The following SLC8A1 variants were observed in gnomAD, a reference collection of about 807,000 sequenced individuals.
SLC8A1 encodes the protein solute carrier family 8 member A1.
A neutral mutation model predicts 68.3 loss-of-function variants in SLC8A1; 18 were observed. The ratio of observed to expected loss-of-function variants is 0.26; its 90% CI spans 0.18 to 0.39. The LOEUF (loss-of-function observed/expected upper bound fraction) is 0.39, where lower values mean the gene tolerates loss of function less well. Among genes scored for constraint, SLC8A1 ranks in the 10% least tolerant of loss-of-function variants. The pLI is 1.00. For synonymous variants in SLC8A1, 475 were observed against 415.5 expected (o/e 1.14, Z -1.74); for missense variants, 985 against 1,156.7 (o/e 0.85, Z 2.15).
At chr2:40,346,919 C>G (rs967091180) in intron 2 of SLC8A1, among the ~76,000 whole-genome samples, 1 of 152,116 alleles carries the variant, frequency 6.6e-6, no homozygotes, top group African/African-American at 2.4e-5. Context: ...CCTGGGTAAT[C>G]AGCCCACACA....
chr2:40,347,768 CCAA>C (rs2149433593), intron 2 of SLC8A1, among the ~76,000 whole-genome samples: 1 of 152,204 alleles, frequency 6.6e-6, no homozygotes, highest in East Asian at 1.9e-4. Flanking sequence ...GTTTTAATGA[CCAA>C]CAAAAGAGAT....
At chr2:40,507,710 T>A (rs1384957249) in intron 1 of SLC8A1, among the ~76,000 whole-genome samples, 1 of 152,070 alleles carries the variant, frequency 6.6e-6, no homozygotes, top group Non-Finnish European at 1.5e-5. Context: ...TGTCAGTGTT[T>A]CCATCTGTAA....
At chr2:40,412,584 T>G (rs1559574676) in intron 2 of SLC8A1, among the ~76,000 whole-genome samples, 1 of 152,282 alleles carries the variant, frequency 6.6e-6, no homozygotes, top group Admixed American at 6.5e-5. Flanking sequence ...ATTGTTTCCT[T>G]GCTAGAACAT....
chr2:40,322,514 A>G (rs1011625210), intron 2 of SLC8A1, among the ~76,000 whole-genome samples: 3 of 150,800 alleles, frequency 2.0e-5, no homozygotes, highest in African/African-American at 7.3e-5. Context: ...AAAAAAAAAA[A>G]AAAAAAAAAA....
intron 1 of SLC8A1, among the ~76,000 whole-genome samples, chr2:40,477,495 T>A (rs1172999381): frequency 1.3e-5 from 2 of 152,184 alleles, no homozygotes; most frequent in African/African-American, 4.8e-5. Context: ...ATGTCTTAGA[T>A]ACGAACCCTC....
intron 1 of SLC8A1, among the ~76,000 whole-genome samples, chr2:40,510,994 A>G (rs1247828994): frequency 6.6e-6 from 1 of 152,188 alleles, no homozygotes; most frequent in African/African-American, 2.4e-5. Flanking sequence ...CTGTTAAATG[A>G]ATTGCTTTTC....
At chr2:40,194,666 C>G (rs1007311091) in intron 2 of SLC8A1, among the ~76,000 whole-genome samples, 1 of 152,040 alleles carries the variant, frequency 6.6e-6, no homozygotes, top group African/African-American at 2.4e-5. Context: ...AACACCAGTT[C>G]CTCGCCCTTC....
intron 2 of SLC8A1, among the ~76,000 whole-genome samples, chr2:40,319,898 G>A (rs1212197161): frequency 2.0e-5 from 3 of 152,002 alleles, no homozygotes; most frequent in South Asian, 4.1e-4. Context: ...TACCAATGTC[G>A]TTATTAAAAA....
intron 2 of SLC8A1, among the ~76,000 whole-genome samples, chr2:40,184,907 A>C (rs1413993837): frequency 2.6e-5 from 4 of 151,648 alleles, no homozygotes; most frequent in South Asian, 2.1e-4. Context: ...ACAAAAAAAA[A>C]AAAAAAAAAA....
intron 1 of SLC8A1, among the ~76,000 whole-genome samples, chr2:40,488,975 G>T (rs180706034): frequency 3.9e-5 from 6 of 152,218 alleles, no homozygotes; most frequent in Admixed American, 3.9e-4. Context: ...ATCTGTTTCA[G>T]AGTCCCACAA....
At position 40,288,712 on chromosome 2, in the gene SLC8A1, T is replaced by C. The variant is rs147777305; in HGVS notation, c.1809-110857A>G. On this transcript the variant is annotated intron_variant, in intron 2 of 7. Transcript: ENST00000406785. ...AAGTGCTACAAATCAGGACTTTTCCTTGGGGATGGATGTTTGGAGCTAGTT... is the reference window on the plus strand; with the variant it reads ...AAGTGCTACAAATCAGGACTTTTCCCTGGGGATGGATGTTTGGAGCTAGTT... Among the ~76,000 whole-genome samples, 555 of 152,144 alleles carry C rather than the reference T, an allele frequency of 3.6e-3. 2 individuals carry two copies. Among genetic ancestry groups the C allele is most frequent in the African/African-American group, 0.012 (516 of 41,466 alleles).
At chr2:40,379,084 T>C (rs72941908) in intron 2 of SLC8A1, among the ~76,000 whole-genome samples, 13,174 of 152,182 alleles carry the variant, frequency 0.087, 1,848 homozygotes, top group African/African-American at 0.3. Context: ...ATCTGGCTCA[T>C]AATAGATGCC....
At chr2:40,401,422 T>A (rs910196435) in intron 2 of SLC8A1, among the ~76,000 whole-genome samples, 1 of 146,490 alleles carries the variant, frequency 6.8e-6, no homozygotes, top group African/African-American at 2.8e-5. Flanking sequence ...TTTTCTTCTA[T>A]GCTATTTTTT....
chr2:40,214,482 T>C (rs1308484230), intron 2 of SLC8A1, among the ~76,000 whole-genome samples: 4 of 151,314 alleles, frequency 2.6e-5, no homozygotes, highest in Non-Finnish European at 5.9e-5. Flanking sequence ...TTACACTGTC[T>C]CCTGGGCTGG....
chr2:40,245,221 G>C (rs372731761), intron 2 of SLC8A1, among the ~76,000 whole-genome samples: 32 of 152,188 alleles, frequency 2.1e-4, no homozygotes, highest in African/African-American at 7.7e-4. Context: ...TCTGTGATTT[G>C]TGCTGTTCAT....
At chr2:40,333,742 A>T (rs1452123294) in intron 2 of SLC8A1, among the ~76,000 whole-genome samples, 1 of 151,980 alleles carries the variant, frequency 6.6e-6, no homozygotes, top group African/African-American at 2.4e-5. Flanking sequence ...GGAGTCAGTA[A>T]TCATCACACA....
At position 40,232,675 on chromosome 2, in the gene SLC8A1, G is replaced by C. The variant is rs555327028; in HGVS notation, c.1809-54820C>G. ...GCAGGTTAGTTACATACGTATACAT[G>C]TGCCATGCTGGTGTGCTGCACCCAC... On this transcript the variant is annotated intron_variant, in intron 2 of 7. Coordinates refer to ENST00000406785, the Ensembl canonical transcript of SLC8A1. Among the ~76,000 whole-genome samples, 635 of 129,366 alleles carry C rather than the reference G, an allele frequency of 4.9e-3. 10 individuals carry two copies. Among genetic ancestry groups the C allele is most frequent in the Middle Eastern group, 0.024 (6 of 250 alleles). The allele number at this position is 129,366 out of a possible 152,430, so 84.9% of individuals were successfully genotyped here.
At chr2:40,230,330 T>C (rs2059494716) in intron 2 of SLC8A1, among the ~76,000 whole-genome samples, 1 of 152,182 alleles carries the variant, frequency 6.6e-6, no homozygotes, top group Admixed American at 6.5e-5. Context: ...ACTTTTTTCA[T>C]CCCTTTAACA....
intron 2 of SLC8A1, among the ~76,000 whole-genome samples, chr2:40,232,530 C>A (rs919577825): frequency 6.6e-6 from 1 of 150,524 alleles, no homozygotes; most frequent in African/African-American, 2.4e-5. Context: ...AACCTTACAT[C>A]CTCACATTGA....
Sources: gnomAD v4.1 joint callset for allele counts (sites outside exome capture counted in the v4.1 genomes callset) on GRCh38, gnomAD v4.1.1 for gene constraint, MANE v1.5 for transcripts, NCBI Gene and HGNC (gene_info 2026-07-23, HGNC 2026-07-21) for gene names.